The following TEX14 variants were observed in gnomAD, a reference collection of about 807,000 sequenced individuals.
The protein encoded by TEX14 is inactive serine/threonine-protein kinase TEX14.
TEX14 carries 168 observed loss-of-function variants against 178.6 expected under a neutral mutation model. That is an observed-to-expected ratio of 0.94 (90% CI 0.83 to 1.07). The LOEUF is 1.07. Among genes scored for constraint, TEX14 ranks in the 50% least tolerant of loss-of-function variants. TEX14 has a pLI of 0.00. For synonymous variants in TEX14, 626 were observed against 634.1 expected (o/e 0.99, Z 0.19); for missense variants, 1,730 against 1,753.6 (o/e 0.99, Z 0.24).
rs2143361628 is a variant in TEX14 at position 58,660,705 on chromosome 17, T to C, written c.-1-8703A>G. 3 of 781,760 alleles carry C rather than the reference T, an allele frequency of 3.8e-6. No individual in the cohort carries two copies. In the South Asian group the frequency reaches 4.0e-5, roughly 10 times the overall value. The allele number at this position is 781,760 out of a possible 1,614,324, so 48.4% of individuals were successfully genotyped here. On this transcript the variant is annotated intron_variant, in intron 1 of 31. Transcript: ENST00000349033. ...TTTTCTTGATCTTCCTGTTGCTGAGTGGCTTTTCTGAATTCTTCTGGTGTT... is the reference window on the plus strand; with the variant it reads ...TTTTCTTGATCTTCCTGTTGCTGAGCGGCTTTTCTGAATTCTTCTGGTGTT...
chr17:58,605,275 T>C, intron 10 of TEX14, 146 bp from the exon 11 acceptor site: 1 of 879,596 alleles, frequency 1.1e-6, no homozygotes, highest in Non-Finnish European at 1.7e-6. Context: ...CACTGCAACC[T>C]CTGCCACCTC....
intron 9 of TEX14, among the ~76,000 whole-genome samples, chr17:58,613,194 T>C (rs2045787765): frequency 6.6e-6 from 1 of 151,482 alleles, no homozygotes. Flanking sequence ...AGAGGGACTC[T>C]GTCTCAAAAA....
At chr17:58,616,033 G>A (rs2045864195) in intron 7 of TEX14, 142 bp downstream of exon 7, 2 of 952,490 alleles carry the variant, frequency 2.1e-6, no homozygotes, top group Non-Finnish European at 3.1e-6. Flanking sequence ...ATAGTGTCCT[G>A]GCTGAGAAAC....
intron 1 of TEX14, among the ~76,000 whole-genome samples, chr17:58,672,096 G>A (rs994488330): frequency 6.6e-6 from 1 of 152,128 alleles, no homozygotes; most frequent in Admixed American, 6.6e-5. Flanking sequence ...CTCATAAGGA[G>A]TGTGCAACCT....
intron 15 of TEX14, among the ~76,000 whole-genome samples, chr17:58,590,788 C>T (rs928991276): frequency 3.9e-5 from 6 of 152,088 alleles, no homozygotes; most frequent in Admixed American, 6.6e-5. Context: ...TTCCTGGGCT[C>T]AAGTGATCTG....
At chr17:58,632,382 G>A (rs1374804393) in intron 2 of TEX14, among the ~76,000 whole-genome samples, 1 of 152,090 alleles carries the variant, frequency 6.6e-6, no homozygotes, top group Non-Finnish European at 1.5e-5. Flanking sequence ...ATTTTTTTCT[G>A]GTTTTCGCAC....
At chr17:58,647,579 A>G (rs560007164) in intron 2 of TEX14, among the ~76,000 whole-genome samples, 1 of 151,792 alleles carries the variant, frequency 6.6e-6, no homozygotes, top group Admixed American at 6.6e-5. Context: ...AAGGAGGGGA[A>G]GGAAGAGCCA....
chr17:58,606,622 T>C (rs1364135910), intron 10 of TEX14, among the ~76,000 whole-genome samples: 2 of 152,032 alleles, frequency 1.3e-5, no homozygotes, highest in Non-Finnish European at 1.5e-5. Flanking sequence ...AGTGTGGATA[T>C]GCATACAAAT....
chr17:58,561,682 C>T, intron 28 of TEX14, 70 bp from the exon 29 acceptor site: 1 of 1,027,102 alleles, frequency 9.7e-7, no homozygotes, highest in East Asian at 2.4e-5. Context: ...AGATGCATAA[C>T]ACTTTAGAGT....
rs992629402 is a variant in TEX14 at position 58,569,174 on chromosome 17, G to A, written c.3886+18C>T. ...CTAACAGGGCCGAGAAGTATATTCT[G>A]TATTGAACATCTCTTACCAATGTCA... On this transcript the variant is annotated intron_variant, in intron 26 of 31. Transcript: ENST00000349033. The surrounding 1 kb of genome is among the most constrained non-coding windows in gnomAD (Gnocchi z 4.1). The A allele has an allele frequency of 6.2e-7, 1 of 1,603,704 alleles. No homozygotes were observed. Among genetic ancestry groups the A allele is most frequent in the African/African-American group, 1.3e-5 (1 of 74,824 alleles).
chr17:58,576,214 G>A lies in TEX14; in HGVS notation c.3320+1161C>T, dbSNP rs139052520. Among the ~76,000 whole-genome samples, 7 of 152,238 alleles carry A rather than the reference G, an allele frequency of 4.6e-5. No homozygotes were observed. In the South Asian group the frequency reaches 8.3e-4, roughly 18 times the overall value. ...GAAATACACTTTACTGGCTGAATGC[G>A]GTGGCTCACGCCTGTAATCCCAGCA... On this transcript the variant is annotated intron_variant, in intron 21 of 31. Transcript: ENST00000349033.
intron 28 of TEX14, among the ~76,000 whole-genome samples, chr17:58,562,206 C>T (rs2044287184): frequency 6.6e-6 from 1 of 152,208 alleles, no homozygotes; most frequent in Non-Finnish European, 1.5e-5. Flanking sequence ...TAGACTCTGT[C>T]TCAATTCTAG....
intron 1 of TEX14, chr17:58,660,459 T>C: frequency 1.7e-6 from 1 of 585,132 alleles, no homozygotes; most frequent in Admixed American, 2.9e-5. Flanking sequence ...CAAAGCAACA[T>C]TAAGCATCTT....
At chr17:58,578,688 A>G (rs2044738067) in intron 20 of TEX14, among the ~76,000 whole-genome samples, 1 of 152,218 alleles carries the variant, frequency 6.6e-6, no homozygotes, top group African/African-American at 2.4e-5. Context: ...GCCACATACA[A>G]GGCAGGTCCA....
At chr17:58,603,887 CTGTGTGTGTGTG>C (rs71143257) in intron 11 of TEX14, among the ~76,000 whole-genome samples, 12,470 of 105,218 alleles carry the variant, frequency 0.12, 885 homozygotes, top group Non-Finnish European at 0.14. Context: ...TGTGATTTTA[CTGTGTGTGTGTG>C]TGTGTGTGTG....
chr17:58,567,177 A>AAAAGG (rs1361771228), intron 26 of TEX14, among the ~76,000 whole-genome samples: 2 of 152,182 alleles, frequency 1.3e-5, no homozygotes, highest in African/African-American at 2.4e-5. Flanking sequence ...AAGGAAAGGA[A>AAAAGG]AAAGGAAAGG....
intron 1 of TEX14, chr17:58,660,372 A>C (rs2047083405): frequency 6.7e-6 from 2 of 300,190 alleles, no homozygotes; most frequent in Middle Eastern, 9.0e-4. Context: ...TTGCACTCTA[A>C]CCTGGGCGAC....
At chr17:58,663,568 G>A (rs1444352205) in intron 1 of TEX14, among the ~76,000 whole-genome samples, 4 of 151,148 alleles carry the variant, frequency 2.6e-5, no homozygotes, top group African/African-American at 7.3e-5. Context: ...TTGGGTTCAA[G>A]CAATTCTCCT....
At chr17:58,662,072 A>G (rs191975242) in intron 1 of TEX14, among the ~76,000 whole-genome samples, 71 of 151,934 alleles carry the variant, frequency 4.7e-4, no homozygotes, top group African/African-American at 1.7e-3. Flanking sequence ...GTGTTCCTGT[A>G]TGTCTATATC....
Sources: allele counts gnomAD v4.1 joint callset (sites outside exome capture counted in the v4.1 genomes callset), GRCh38; gene constraint gnomAD v4.1.1; non-coding constraint Gnocchi (gnomAD v3.1); transcripts MANE v1.5; gene names NCBI Gene and HGNC (gene_info 2026-07-23, HGNC 2026-07-21).